The following SAR1B variants were observed in gnomAD, a reference collection of about 807,000 sequenced individuals.
SAR1B encodes small COPII coat GTPase SAR1B.
SAR1B carries 23 observed loss-of-function variants against 26.8 expected under a neutral mutation model. The ratio of observed to expected loss-of-function variants is 0.86; its 90% CI spans 0.62 to 1.22. The LOEUF (loss-of-function observed/expected upper bound fraction) is 1.22, where lower values mean the gene tolerates loss of function less well. Among genes scored for constraint, SAR1B ranks in the 50% most tolerant of loss-of-function variants. The pLI is 0.00. For missense variants in SAR1B, 196 were observed against 232.8 expected, an observed-to-expected ratio of 0.84 and a Z score of 1.03; for synonymous variants, 65 against 80.8, an observed-to-expected ratio of 0.80 and a Z score of 1.05.
chr5:134,626,298 C>CAAAAAAAAAAAAAA (rs35668627), intron 1 of SAR1B, among the ~76,000 whole-genome samples: 1 of 53,114 alleles, frequency 1.9e-5, no homozygotes, highest in African/African-American at 6.1e-5. Context: ...GACTCTGCCT[C>CAAAAAAAAAAAAAA]AAAAAAAAAA....
intron 1 of SAR1B, among the ~76,000 whole-genome samples, chr5:134,628,528 T>C (rs1026818666): frequency 6.6e-6 from 1 of 151,980 alleles, no homozygotes; most frequent in African/African-American, 2.4e-5. Flanking sequence ...AGAATACAAA[T>C]ATCCAGGCTG....
intron 5 of SAR1B, among the ~76,000 whole-genome samples, chr5:134,609,354 T>C (rs1765177468): frequency 6.6e-6 from 1 of 152,190 alleles, no homozygotes; most frequent in Non-Finnish European, 1.5e-5. Context: ...TCATAAAAGA[T>C]GTCTGTGTTA....
chr5:134,629,953 G>C (rs1765571741), intron 1 of SAR1B, among the ~76,000 whole-genome samples: 1 of 151,282 alleles, frequency 6.6e-6, no homozygotes, highest in African/African-American at 2.4e-5. Context: ...ATAAATAGTA[G>C]AAAATTTTTA....
rs199626448 is a variant in SAR1B, at chr5:134,627,801, A to AAAATAAATAAAT, written c.-18-3776_-18-3765dup. Among the ~76,000 whole-genome samples the AAAATAAATAAAT allele has an allele frequency of 7.4e-3, 990 of 134,510 alleles. 9 individuals are homozygous for AAAATAAATAAAT. The highest frequency in any genetic ancestry group is 0.027 in the East Asian group (119 of 4,348). 88.2% of individuals were successfully genotyped at this position (134,510 alleles called of 152,430 possible). On this transcript the variant is annotated intron_variant, in intron 1 of 6. Transcript: ENST00000402673. Reference sequence around the variant, plus strand: ...GCGACAGAGCGAGACTCCATCCCAAAAAATAAATAAATAAATAAATAAATA... The same window carrying AAAATAAATAAAT: ...GCGACAGAGCGAGACTCCATCCCAAAAAATAAATAAATAAATAAATAAATAAATAAATAAATA...
chr5:134,629,700 AAAAC>A (rs1159853423), intron 1 of SAR1B, among the ~76,000 whole-genome samples: 281 of 151,278 alleles, frequency 1.9e-3, no homozygotes, highest in Non-Finnish European at 2.8e-3. Context: ...CCATCTCAAA[AAAAC>A]AAACAAACAA....
At position 134,608,299 on chromosome 5, in the gene SAR1B, A is replaced by T; in HGVS notation, c.480+73T>A. The T allele has an allele frequency of 7.0e-6, 10 of 1,433,968 alleles. No individual in the cohort carries two copies. In the South Asian group the frequency reaches 1.2e-4, roughly 18 times the overall value. The allele number at this position is 1,433,968 out of a possible 1,614,324, so 88.8% of individuals were successfully genotyped here. On this transcript the variant is annotated intron_variant, in intron 6 of 6. Transcript: ENST00000402673. ...AATGATAATGGGCTTGTATAGTTGG[A>T]CAATAGTAATTTAAGAAGACATTTG...
chr5:134,626,334 G>A (rs1273557895), intron 1 of SAR1B, among the ~76,000 whole-genome samples: 1 of 140,986 alleles, frequency 7.1e-6, no homozygotes, highest in Non-Finnish European at 1.5e-5. Flanking sequence ...AAAAAAATGT[G>A]GTTTCTAGGA....
At chr5:134,612,558 T>A in intron 4 of SAR1B, 133 bp downstream of exon 4, 1 of 844,912 alleles carries the variant, frequency 1.2e-6, no homozygotes. Flanking sequence ...GGCATGAGGA[T>A]TGCTTGAACC....
intron 1 of SAR1B, among the ~76,000 whole-genome samples, chr5:134,629,481 G>A (rs1415153518): frequency 2.0e-5 from 3 of 151,880 alleles, no homozygotes; most frequent in Non-Finnish European, 2.9e-5. Context: ...GGCAGATCAC[G>A]AGGTCAGGAG....
chr5:134,617,815 G>T (rs1352199853), intron 3 of SAR1B, among the ~76,000 whole-genome samples: 1 of 152,020 alleles, frequency 6.6e-6, no homozygotes, highest in African/African-American at 2.4e-5. Flanking sequence ...CCGAGTAGGT[G>T]GAATTACAGG....
At chr5:134,630,061 G>A (rs887586504) in intron 1 of SAR1B, among the ~76,000 whole-genome samples, 12 of 151,710 alleles carry the variant, frequency 7.9e-5, no homozygotes, top group Admixed American at 4.6e-4. Flanking sequence ...TCAGGAGTTC[G>A]AGACCAGCCT....
chr5:134,617,464 T>A (rs1185207568), intron 3 of SAR1B, among the ~76,000 whole-genome samples: 1 of 152,142 alleles, frequency 6.6e-6, no homozygotes, highest in Non-Finnish European at 1.5e-5. Flanking sequence ...AATTAAAAAA[T>A]ATGAGTTGAA....
intron 1 of SAR1B, among the ~76,000 whole-genome samples, chr5:134,625,626 G>C (rs1313349546): frequency 6.6e-6 from 1 of 152,148 alleles, no homozygotes; most frequent in Non-Finnish European, 1.5e-5. Flanking sequence ...GAGAATATAG[G>C]GGGTTCAAGA....
chr5:134,612,681 A>AAAAAAAATT lies in SAR1B; in HGVS notation c.244+9_244+10insAATTTTTTT. The AAAAAAAATT allele has an allele frequency of 1.2e-5, 14 of 1,124,704 alleles. No homozygotes were observed. The highest frequency in any genetic ancestry group is 1.7e-5 in the Non-Finnish European group (14 of 836,252). 69.7% of individuals were successfully genotyped at this position (1,124,704 alleles called of 1,614,324 possible). A position where few individuals can be genotyped will look rare whatever the true frequency, so the allele number is the denominator to read the frequency against. ...AAAAAAAAAAAAAAAAAAAAAAAAA[A>AAAAAAAATT]GAATCTTACCTTGAACATGTCCACC... On this transcript the variant is annotated intron_variant, in intron 4 of 6. Coordinates refer to ENST00000402673, the MANE Select transcript of SAR1B (RefSeq NM_016103.4).
At position 134,601,745 on chromosome 5, in the gene SAR1B, C is replaced by G. The variant is rs1433657130; in HGVS notation, c.*5205G>C. Reference sequence around the variant, plus strand: ...CAAAATATTTAAAACTAAATCTAAGCCACTTTTAAAATGCATGCTGGCCGG... The same window carrying G: ...CAAAATATTTAAAACTAAATCTAAGGCACTTTTAAAATGCATGCTGGCCGG... On this transcript the variant is annotated 3_prime_UTR_variant, in exon 7 of 7. Coordinates refer to ENST00000402673, the MANE Select transcript of SAR1B (RefSeq NM_016103.4). 1 of 152,160 alleles carries G rather than the reference C, an allele frequency of 6.6e-6. No homozygotes were observed. The highest frequency in any genetic ancestry group is 2.4e-5 in the African/African-American group (1 of 41,440). 9.4% of individuals were successfully genotyped at this position (152,160 alleles called of 1,614,324 possible). A position where few individuals can be genotyped will look rare whatever the true frequency, so the allele number is the denominator to read the frequency against.
chr5:134,621,825 T>A (rs1167845461), intron 2 of SAR1B, among the ~76,000 whole-genome samples: 2 of 152,142 alleles, frequency 1.3e-5, no homozygotes, highest in Non-Finnish European at 2.9e-5. Flanking sequence ...CAGCCTCAAC[T>A]TCCTGGGCTC....
intron 2 of SAR1B, among the ~76,000 whole-genome samples, chr5:134,621,684 T>C (rs1276013586): frequency 2.0e-5 from 3 of 152,260 alleles, no homozygotes; most frequent in East Asian, 1.9e-4. Context: ...AAAGGCAGCA[T>C]TGACCAATTT....
At chr5:134,613,228 G>C in intron 3 of SAR1B, 1 of 168,396 alleles carries the variant, frequency 5.9e-6, no homozygotes, top group Non-Finnish European at 1.3e-5. Flanking sequence ...CAGTAGGGTG[G>C]ACGCATCAGA....
chr5:134,615,472 G>A (rs1414715192), intron 3 of SAR1B, among the ~76,000 whole-genome samples: 42 of 134,828 alleles, frequency 3.1e-4, no homozygotes, highest in East Asian at 1.2e-3. Flanking sequence ...CCGAGATTGC[G>A]CCATTGCACT....
Sources: allele counts gnomAD v4.1 joint callset (sites outside exome capture counted in the v4.1 genomes callset), GRCh38; gene constraint gnomAD v4.1.1; transcripts MANE v1.5; gene names NCBI Gene and HGNC (gene_info 2026-07-23, HGNC 2026-07-21).